Variants in ERI3 observed in about 807,000 individuals in gnomAD.
ERI3 encodes the protein ERI1 exoribonuclease family member 3, also known as ERI1 exoribonuclease 3.
In ERI3, 18 loss-of-function variants were observed where a neutral mutation model predicts 44.4. The ratio of observed to expected loss-of-function variants is 0.41; its 90% CI spans 0.28 to 0.60. ERI3 has a LOEUF of 0.60. Among genes scored for constraint, ERI3 ranks in the 20% least tolerant of loss-of-function variants. The pLI is 0.36. For synonymous variants in ERI3, 183 were observed against 164.8 expected (o/e 1.11, Z -0.84); for missense variants, 294 against 435.5 (o/e 0.68, Z 2.89).
intron 2 of ERI3, among the ~76,000 whole-genome samples, chr1:44,349,227 A>G (rs1267145405): frequency 6.6e-6 from 1 of 152,170 alleles, no homozygotes; most frequent in Non-Finnish European, 1.5e-5. Flanking sequence ...ATCTCAGCTC[A>G]TTGCAACCTC....
chr1:44,275,456 A>C (rs1645163749), intron 7 of ERI3, among the ~76,000 whole-genome samples: 1 of 152,200 alleles, frequency 6.6e-6, no homozygotes, highest in Non-Finnish European at 1.5e-5. Context: ...ATAAGCCCTT[A>C]ATTTATTACT....
intron 6 of ERI3, 113 bp from the exon 7 acceptor site, chr1:44,285,020 AC>A: frequency 2.3e-6 from 2 of 871,454 alleles, no homozygotes; most frequent in Non-Finnish European, 3.7e-6. Flanking sequence ...CAAAAGGTCA[AC>A]CCATTAGCCA....
At chr1:44,274,996 TTGGA>T (rs1226547113) in intron 7 of ERI3, among the ~76,000 whole-genome samples, 3 of 152,070 alleles carry the variant, frequency 2.0e-5, no homozygotes, top group African/African-American at 7.2e-5. Context: ...GCTCTGCACT[TTGGA>T]TGATGCCAAA....
chr1:44,238,190 C>A (rs1475497264), intron 8 of ERI3, among the ~76,000 whole-genome samples: 1 of 152,132 alleles, frequency 6.6e-6, no homozygotes, highest in Non-Finnish European at 1.5e-5. Context: ...TGCTGCCTCC[C>A]TCCCCCACCA....
chr1:44,254,399 G>A (rs959750534), intron 7 of ERI3, among the ~76,000 whole-genome samples: 1 of 151,798 alleles, frequency 6.6e-6, no homozygotes, highest in African/African-American at 2.4e-5. Context: ...CCCAGCCCCC[G>A]CCTACCCCTA....
chr1:44,285,508 G>C (rs771583882), intron 6 of ERI3, among the ~76,000 whole-genome samples: 3 of 152,230 alleles, frequency 2.0e-5, no homozygotes, highest in Non-Finnish European at 2.9e-5. Context: ...GTTTCAGATA[G>C]AGAAGAGGCC....
At chr1:44,310,258 T>A (rs1291960792) in intron 5 of ERI3, among the ~76,000 whole-genome samples, 11 of 152,132 alleles carry the variant, frequency 7.2e-5, no homozygotes, top group Admixed American at 7.2e-4. Context: ...ACAAAGAAGA[T>A]AATTGAACTA....
At chr1:44,277,475 A>G (rs1288446159) in intron 7 of ERI3, among the ~76,000 whole-genome samples, 2 of 152,212 alleles carry the variant, frequency 1.3e-5, no homozygotes, top group Non-Finnish European at 2.9e-5. Flanking sequence ...CATTTCTGAA[A>G]AAGTTGAAGT....
At chr1:44,258,517 G>T (rs1265477770) in intron 7 of ERI3, among the ~76,000 whole-genome samples, 1 of 152,118 alleles carries the variant, frequency 6.6e-6, no homozygotes, top group Non-Finnish European at 1.5e-5. Flanking sequence ...ATTTATTGAG[G>T]AACTACCATG....
chr1:44,337,970 C>A (rs1646569452), intron 3 of ERI3, among the ~76,000 whole-genome samples: 2 of 152,174 alleles, frequency 1.3e-5, no homozygotes, highest in South Asian at 4.1e-4. Context: ...CAGACATATT[C>A]AATGCACCAA....
chr1:44,310,790 G>C (rs1174759543), intron 5 of ERI3, among the ~76,000 whole-genome samples: 1 of 151,956 alleles, frequency 6.6e-6, no homozygotes, highest in East Asian at 1.9e-4. Flanking sequence ...CTGCTCCCCG[G>C]TGCCAGACTA....
intron 3 of ERI3, chr1:44,322,917 C>T: frequency 6.6e-7 from 1 of 1,504,570 alleles, no homozygotes; most frequent in Non-Finnish European, 8.9e-7. Flanking sequence ...CCCAACACTA[C>T]AGGTTAGTGG....
At chr1:44,261,520 C>G (rs919346200) in intron 7 of ERI3, among the ~76,000 whole-genome samples, 5 of 152,140 alleles carry the variant, frequency 3.3e-5, no homozygotes, top group Admixed American at 6.5e-5. Context: ...GAGCAAGTCC[C>G]CATAATAGAG....
At chr1:44,293,978 G>A (rs1645560422) in intron 6 of ERI3, among the ~76,000 whole-genome samples, 1 of 152,226 alleles carries the variant, frequency 6.6e-6, no homozygotes, top group Admixed American at 6.5e-5. Context: ...GCCATCACCT[G>A]GGAGTCTCCA....
In ERI3 at chr1:44,339,072, C is replaced by T. The variant is rs760695740; in HGVS notation, c.462G>A (p.Thr154=). The change falls in exon 3 of 9, where the codon ACG becomes ACA. Residue 154 remains threonine (T), a synonymous_variant. Transcript: ENST00000372257. ...HYFLVLDFEA[T]CDKPQIHPQE... is the part of the protein sequence containing the mutation. ...GAGGATGAATCTGTGGCTTGTCGCACGTGGCCTCAAAGTCCAGCACTAAAA... is the reference window on the plus strand; with the variant it reads ...GAGGATGAATCTGTGGCTTGTCGCATGTGGCCTCAAAGTCCAGCACTAAAA... The T allele has an allele frequency of 1.3e-5, 21 of 1,613,580 alleles. No individual in the cohort carries two copies. In the African/African-American group the frequency reaches 2.1e-4, roughly 16 times the overall value.
intron 8 of ERI3, among the ~76,000 whole-genome samples, chr1:44,237,450 C>T (rs1644330896): frequency 1.3e-5 from 2 of 152,204 alleles, no homozygotes; most frequent in Admixed American, 1.3e-4. Context: ...ACAGTTCTTG[C>T]TTCCAGTGAG....
intron 4 of ERI3, among the ~76,000 whole-genome samples, chr1:44,316,559 T>C (rs919932334): frequency 6.6e-6 from 1 of 152,174 alleles, no homozygotes; most frequent in Non-Finnish European, 1.5e-5. Flanking sequence ...TCCAGTGCTT[T>C]CTCCTTTCAC....
intron 3 of ERI3, among the ~76,000 whole-genome samples, chr1:44,335,305 G>A (rs996533811): frequency 1.3e-5 from 2 of 151,588 alleles, no homozygotes; most frequent in Non-Finnish European, 2.9e-5. Flanking sequence ...GCACTGAGCT[G>A]TGATCACACA....
At chr1:44,319,198 C>T (rs1233797750) in intron 4 of ERI3, among the ~76,000 whole-genome samples, 1 of 152,256 alleles carries the variant, frequency 6.6e-6, no homozygotes, top group Non-Finnish European at 1.5e-5. Flanking sequence ...ACTCAACCTA[C>T]GCTTCACACA....
Sources: allele counts gnomAD v4.1 joint callset (sites outside exome capture counted in the v4.1 genomes callset), GRCh38; gene constraint gnomAD v4.1.1; transcripts MANE v1.5; gene names NCBI Gene and HGNC (gene_info 2026-07-23, HGNC 2026-07-21).